Variants in SMAD3 observed in about 807,000 individuals in gnomAD.
The protein encoded by SMAD3 is SMAD family member 3, also known as MAD homolog 3.
SMAD3 carries 12 observed loss-of-function variants against 51.8 expected under a neutral mutation model. The ratio of observed to expected loss-of-function variants is 0.23; its 90% CI spans 0.15 to 0.38. The LOEUF is 0.38. Ranked by LOEUF, SMAD3 falls within the 10% of genes least tolerant of loss-of-function variation. The pLI is 1.00. For synonymous variants in SMAD3, 238 were observed against 227.7 expected, an observed-to-expected ratio of 1.05 and a Z score of -0.41; for missense variants, 294 against 565.6, an observed-to-expected ratio of 0.52 and a Z score of 4.87.
chr15:67,121,453 C>T (rs1327821089), intron 1 of SMAD3, among the ~76,000 whole-genome samples: 1 of 152,150 alleles, frequency 6.6e-6, no homozygotes, highest in Non-Finnish European at 1.5e-5. Context: ...GGGCAGCTCC[C>T]AGAGGCCCCG....
rs1963347498 is a variant in SMAD3 at position 67,190,975 on chromosome 15, C to T, written c.*439C>T. The T allele has an allele frequency of 1.2e-5, 3 of 255,900 alleles. No homozygotes were observed. Among genetic ancestry groups the T allele is most frequent in the Non-Finnish European group, 1.5e-5 (2 of 131,260 alleles). The allele number at this position is 255,900 out of a possible 1,614,324, so 15.9% of individuals were successfully genotyped here. ...GAAGAGCCCGCAGGGCCATGCAGAC[C>T]TCATGCCCAGCTCTCTGACGCTTGT... On this transcript the variant is annotated 3_prime_UTR_variant, in exon 9 of 9. Coordinates refer to ENST00000327367, the MANE Select transcript of SMAD3 (RefSeq NM_005902.4).
chr15:67,165,146 CG>C, intron 2 of SMAD3, 58 bp downstream of exon 2: 2 of 1,610,850 alleles, frequency 1.2e-6, no homozygotes, highest in Non-Finnish European at 1.7e-6. Context: ...CACCTCTCCC[CG>C]GCTCCCCATC....
chr15:67,081,707 C>T (rs1416903143), intron 1 of SMAD3, among the ~76,000 whole-genome samples: 1 of 152,070 alleles, frequency 6.6e-6, no homozygotes, highest in Non-Finnish European at 1.5e-5. Context: ...CGTCTATAAA[C>T]GTTGCATCCA....
chr15:67,077,551 C>CA (rs1215852068), intron 1 of SMAD3, among the ~76,000 whole-genome samples: 1 of 151,720 alleles, frequency 6.6e-6, no homozygotes, highest in Non-Finnish European at 1.5e-5. Context: ...TGCTCAGAGG[C>CA]AAAAAAGGGA....
At chr15:67,115,785 A>G (rs1961121349) in intron 1 of SMAD3, among the ~76,000 whole-genome samples, 1 of 152,208 alleles carries the variant, frequency 6.6e-6, no homozygotes, top group Non-Finnish European at 1.5e-5. Flanking sequence ...AGCAAAGAGG[A>G]AGCACTCACA....
intron 7 of SMAD3, 137 bp downstream of exon 7, chr15:67,185,001 G>GT (rs2140320482): frequency 8.6e-7 from 1 of 1,163,476 alleles, no homozygotes; most frequent in East Asian, 2.5e-5. Context: ...ATTGGATTAG[G>GT]TTTTCTCTAT....
chr15:67,126,085 AATT>A, intron 1 of SMAD3: 3 of 539,508 alleles, frequency 5.6e-6, no homozygotes, highest in Non-Finnish European at 7.1e-6. Flanking sequence ...GTCCTTAGGG[AATT>A]GCGTAGTTTT....
At chr15:67,177,769 G>C (rs1446650859) in intron 5 of SMAD3, among the ~76,000 whole-genome samples, 1 of 151,738 alleles carries the variant, frequency 6.6e-6, no homozygotes, top group Non-Finnish European at 1.5e-5. Flanking sequence ...TGCCATTGAA[G>C]GCAGAACCCA....
At chr15:67,148,756 G>A (rs554735991) in intron 1 of SMAD3, among the ~76,000 whole-genome samples, 3 of 152,360 alleles carry the variant, frequency 2.0e-5, no homozygotes, top group African/African-American at 7.2e-5. Flanking sequence ...TGGGCAGCCT[G>A]AGATCTTTGC....
At chr15:67,140,049 G>A (rs1961776691) in intron 1 of SMAD3, among the ~76,000 whole-genome samples, 1 of 152,024 alleles carries the variant, frequency 6.6e-6, no homozygotes, top group Admixed American at 6.5e-5. Flanking sequence ...TTGAATCTGG[G>A]AGGCAGAGGT....
At chr15:67,138,366 G>A (rs886384358) in intron 1 of SMAD3, 10 of 455,350 alleles carry the variant, frequency 2.2e-5, no homozygotes, top group African/African-American at 1.2e-4. Context: ...CCGGCCCCAG[G>A]ATGGAGCTTG....
At chr15:67,079,371 C>G (rs1960235566) in intron 1 of SMAD3, among the ~76,000 whole-genome samples, 1 of 151,980 alleles carries the variant, frequency 6.6e-6, no homozygotes, top group Non-Finnish European at 1.5e-5. Context: ...AAGTTCACAC[C>G]CAGATTTCCA....
At chr15:67,153,924 A>G (rs1962215177) in intron 1 of SMAD3, among the ~76,000 whole-genome samples, 1 of 152,176 alleles carries the variant, frequency 6.6e-6, no homozygotes, top group Non-Finnish European at 1.5e-5. Context: ...TTCTGTGCCC[A>G]CCCATGGCCC....
At chr15:67,125,921 C>T (rs1961374774) in intron 1 of SMAD3, 2 of 985,520 alleles carry the variant, frequency 2.0e-6, no homozygotes, top group South Asian at 4.7e-5. Context: ...ATGCGACATT[C>T]CCACAGGATG....
chr15:67,135,190 T>A (rs1250034755), intron 1 of SMAD3, among the ~76,000 whole-genome samples: 1 of 152,162 alleles, frequency 6.6e-6, no homozygotes, highest in Non-Finnish European at 1.5e-5. Context: ...GTTCTAGCAC[T>A]GAGAGGGGCA....
chr15:67,119,971 A>G (rs1032775239), intron 1 of SMAD3, among the ~76,000 whole-genome samples: 5 of 151,980 alleles, frequency 3.3e-5, no homozygotes, highest in Non-Finnish European at 5.9e-5. Flanking sequence ...TATTTTTTGT[A>G]TATTTTGTGG....
At chr15:67,141,618 C>T (rs779251966) in intron 1 of SMAD3, among the ~76,000 whole-genome samples, 26 of 152,234 alleles carry the variant, frequency 1.7e-4, no homozygotes, top group Middle Eastern at 3.4e-3. Context: ...CAGGACCAGG[C>T]GGCAAAAATC....
At position 67,066,093 on chromosome 15, in the gene SMAD3, G is replaced by A; in HGVS notation, c.-62G>A. The A allele has an allele frequency of 3.0e-6, 4 of 1,330,630 alleles. No homozygotes were observed. Among genetic ancestry groups the A allele is most frequent in the Non-Finnish European group, 4.2e-6 (4 of 963,720 alleles). The allele number at this position is 1,330,630 out of a possible 1,614,324, so 82.4% of individuals were successfully genotyped here. ...GGCCGAGCTCCCCTCTGCGCCCCCG[G>A]CGTCCCGTCGAGCCCAGCCCCGCCG... On this transcript the variant is annotated 5_prime_UTR_variant, in exon 1 of 9. Coordinates refer to ENST00000327367, the MANE Select transcript of SMAD3 (RefSeq NM_005902.4).
intron 4 of SMAD3, among the ~76,000 whole-genome samples, chr15:67,169,724 A>G (rs1297098183): frequency 6.6e-6 from 1 of 151,494 alleles, no homozygotes; most frequent in Non-Finnish European, 1.5e-5. Flanking sequence ...CAGCCTCTCA[A>G]AGTGCTGGGA....
Sources: allele counts gnomAD v4.1 joint callset (sites outside exome capture counted in the v4.1 genomes callset), GRCh38; gene constraint gnomAD v4.1.1; transcripts MANE v1.5; gene names NCBI Gene and HGNC (gene_info 2026-07-23, HGNC 2026-07-21).